Variants in IRF8 observed in about 807,000 individuals in gnomAD.
IRF8 encodes the protein interferon consensus sequence binding protein 1.
In IRF8, 14 loss-of-function variants were observed where a neutral mutation model predicts 48.7. The observed-to-expected ratio is 0.29, with a 90% CI of 0.19 to 0.45. IRF8 has a LOEUF of 0.45. IRF8 is among the 20% of genes least tolerant of loss of function. The pLI, the probability that IRF8 is intolerant of heterozygous loss-of-function variation, is 1.00. For synonymous variants in IRF8, 278 were observed against 227.3 expected, an observed-to-expected ratio of 1.22 and a Z score of -2.01; for missense variants, 493 against 580.7, an observed-to-expected ratio of 0.85 and a Z score of 1.55.
intron 7 of IRF8, among the ~76,000 whole-genome samples, chr16:85,919,780 C>A (rs1430845899): frequency 6.6e-6 from 1 of 152,232 alleles, no homozygotes; most frequent in Non-Finnish European, 1.5e-5. Flanking sequence ...CCCTGGGTGT[C>A]CTCAGGTCGG....
intron 6 of IRF8, 77 bp downstream of exon 6, chr16:85,914,597 G>T: frequency 6.5e-7 from 1 of 1,537,492 alleles, no homozygotes; most frequent in South Asian, 1.1e-5. Context: ...CAGGGTTGCG[G>T]GGTTTCGAGG....
At chr16:85,906,858 G>A (rs1438988540) in intron 2 of IRF8, among the ~76,000 whole-genome samples, 3 of 152,010 alleles carry the variant, frequency 2.0e-5, no homozygotes, top group African/African-American at 7.3e-5. Flanking sequence ...TAGGGATGCC[G>A]CTGAATATTC....
In IRF8 at chr16:85,921,738, T is replaced by G. The variant is rs963236057; in HGVS notation, c.*456T>G. On this transcript the variant is annotated 3_prime_UTR_variant, in exon 9 of 9. Transcript: ENST00000268638. ...AGATTTATGATTTCATAGGCTTGAT[T>G]CTATGTGAAATATCTTTTTACTTTT... 4.9e-6 allele frequency: 1 copy of G among 205,370 alleles called. No individual in the cohort carries two copies. Among genetic ancestry groups the G allele is most frequent in the African/African-American group, 2.4e-5 (1 of 42,222 alleles). The allele number at this position is 205,370 out of a possible 1,614,324, so 12.7% of individuals were successfully genotyped here.
chr16:85,918,604 G>T lies in IRF8; in HGVS notation c.789G>T (p.Gln263His). 6.2e-7 allele frequency: 1 copy of T among 1,607,490 alleles called. No homozygotes were observed. Residue 263 changes from glutamine to histidine, a missense_variant, in exon 7 of 9, where the codon CAG becomes CAT. By Grantham distance (24) the Gln-to-His change is conservative. Transcript: ENST00000268638. ...PPADAIPSER[Q>H]RQVTRKLFGH... The stretch of plus-strand genomic sequence containing the variant: ...CCGACGCCATCCCCAGCGAGCGACA[G>T]AGGCAGGTGACGCGGAAGCTGTTCG...
At chr16:85,909,740 C>G (rs1905093178) in intron 3 of IRF8, 1 of 161,384 alleles carries the variant, frequency 6.2e-6, no homozygotes, top group Non-Finnish European at 1.4e-5. Flanking sequence ...ACAGCAAAAA[C>G]ATGCCGCACC....
intron 4 of IRF8, 24 bp downstream of exon 4, chr16:85,911,682 G>T: frequency 6.2e-7 from 1 of 1,600,492 alleles, no homozygotes; most frequent in Non-Finnish European, 8.6e-7. Flanking sequence ...GCATTTCAGG[G>T]GTCTGGCCCT....
At chr16:85,920,750 T>C (rs1905529760) in intron 8 of IRF8, among the ~76,000 whole-genome samples, 1 of 152,190 alleles carries the variant, frequency 6.6e-6, no homozygotes, top group Non-Finnish European at 1.5e-5. Flanking sequence ...GTGTGTTTTC[T>C]TTTTTCTTTT....
intron 8 of IRF8, among the ~76,000 whole-genome samples, 171 bp downstream of exon 8, chr16:85,920,395 T>A (rs1428671739): frequency 1.3e-5 from 2 of 152,080 alleles, no homozygotes; most frequent in Admixed American, 1.3e-4. Context: ...TACAGGCCCG[T>A]GCCACCACGC....
chr16:85,910,988 G>A (rs1401667245), intron 3 of IRF8, among the ~76,000 whole-genome samples: 1 of 152,146 alleles, frequency 6.6e-6, no homozygotes, highest in Admixed American at 6.5e-5. Flanking sequence ...GGCCCAGCGT[G>A]CCCCTGTGGA....
At chr16:85,918,834 C>T (rs1459924109) in intron 7 of IRF8, 31 bp downstream of exon 7, 10 of 1,602,282 alleles carry the variant, frequency 6.2e-6, no homozygotes, top group Middle Eastern at 1.6e-4. Flanking sequence ...GCTGCCCCCA[C>T]ATCTTAGAGA....
At position 85,903,181 on chromosome 16, in the gene IRF8, A is replaced by G. The variant is rs775453097; in HGVS notation, c.166A>G (p.Ile56Val). The change falls in exon 2 of 9, where the codon ATT becomes GTT. Residue 56 changes from isoleucine to valine, a missense_variant. By Grantham distance (29) the Ile-to-Val change is conservative. This residue lies in a region of IRF8 where 31 missense variants were observed against 71.2 expected (regional missense o/e 0.44). Transcript: ENST00000268638. ...QDYNQEVDASIFKAWAVFKGK... is the reference protein window; with the variant it reads ...QDYNQEVDASVFKAWAVFKGK... Reference sequence around the variant, plus strand: ...TTATAATCAGGAAGTGGATGCCTCCATTTTTAAGGTAAAGAGCCCAGCTCC... The same window carrying G: ...TTATAATCAGGAAGTGGATGCCTCCGTTTTTAAGGTAAAGAGCCCAGCTCC... 2 of 1,613,966 alleles carry G rather than the reference A, an allele frequency of 1.2e-6. No individual in the cohort carries two copies. The highest frequency in any genetic ancestry group is 2.2e-5 in the East Asian group (1 of 44,888).
rs1021894032 is a variant in IRF8, at chr16:85,921,456, G to T, written c.*174G>T. 9.8e-6 allele frequency: 7 copies of T among 712,828 alleles called. No homozygotes were observed. The highest frequency in any genetic ancestry group is 8.8e-5 in the African/African-American group (5 of 56,706). The allele number at this position is 712,828 out of a possible 1,614,324, so 44.2% of individuals were successfully genotyped here. ...AGTAGACGTTTAATACGAAGTGGCG[G>T]CATAGCCCTGCCGAGATGTCGGTGA... On this transcript the variant is annotated 3_prime_UTR_variant, in exon 9 of 9. Coordinates refer to ENST00000268638, the MANE Select transcript of IRF8 (RefSeq NM_002163.4).
chr16:85,901,584 C>T (rs1904827951), intron 1 of IRF8, among the ~76,000 whole-genome samples: 1 of 152,206 alleles, frequency 6.6e-6, no homozygotes, highest in South Asian at 2.1e-4. Context: ...CACCACTGCA[C>T]TCCTGCCTGG....
At position 85,911,672 on chromosome 16, in the gene IRF8, G is replaced by C; in HGVS notation, c.447+14G>C. 1 of 1,607,968 alleles carries C rather than the reference G, an allele frequency of 6.2e-7. No homozygotes were observed. The highest frequency in any genetic ancestry group is 8.5e-7 in the Non-Finnish European group (1 of 1,174,872). ...CTGATCAAGGAGGTAAGCAGAGGCA[G>C]CATTTCAGGGGTCTGGCCCTGCCAG... On this transcript the variant is annotated intron_variant, in intron 4 of 8. Coordinates refer to ENST00000268638, the MANE Select transcript of IRF8 (RefSeq NM_002163.4).
At chr16:85,904,280 G>C (rs1904920910) in intron 2 of IRF8, among the ~76,000 whole-genome samples, 1 of 152,128 alleles carries the variant, frequency 6.6e-6, no homozygotes, top group African/African-American at 2.4e-5. Context: ...GAGTGTGGGA[G>C]AGGGGTGAAA....
At chr16:85,903,327 G>A in intron 2 of IRF8, 138 bp downstream of exon 2, 1 of 785,880 alleles carries the variant, frequency 1.3e-6, no homozygotes, top group African/African-American at 1.7e-5. Context: ...TGGTTCAGGA[G>A]TGCTGAATGT....
In IRF8 at chr16:85,918,661, C is replaced by T. The variant is rs1447830267; in HGVS notation, c.846C>T (p.Ser282=). The change falls in exon 7 of 9, where the codon AGC becomes AGT. Residue 282 remains serine, a synonymous_variant. Coordinates refer to ENST00000268638, the MANE Select transcript of IRF8 (RefSeq NM_002163.4). The stretch of plus-strand genomic sequence containing the variant: ...TGGAGCGCGGGGTGCTGCTGCACAG[C>T]AGCCGGCAGGGCGTGTTCGTCAAGC... ...GHLERGVLLH[S]SRQGVFVKRL... 3.1e-6 allele frequency: 5 copies of T among 1,610,566 alleles called. No individual in the cohort carries two copies. Among genetic ancestry groups the T allele is most frequent in the Non-Finnish European group, 1.7e-6 (2 of 1,179,756 alleles).
intron 6 of IRF8, among the ~76,000 whole-genome samples, chr16:85,918,100 C>T (rs1025920832): frequency 1.3e-5 from 2 of 152,182 alleles, no homozygotes; most frequent in East Asian, 3.9e-4. Context: ...CATCGTTTGC[C>T]CTCAGCTTGA....
intron 5 of IRF8, chr16:85,913,439 CCGCTG>C: frequency 3.3e-6 from 2 of 600,524 alleles, no homozygotes; most frequent in Admixed American, 2.6e-5. Flanking sequence ...GCCCTGCTCT[CCGCTG>C]CTTCTCAGGA....
Sources: allele counts gnomAD v4.1 joint callset (sites outside exome capture counted in the v4.1 genomes callset), GRCh38; gene constraint gnomAD v4.1.1; regional missense constraint gnomAD v4.1.1; transcripts MANE v1.5; gene names NCBI Gene and HGNC (gene_info 2026-07-23, HGNC 2026-07-21).